Variants in ODAD2 observed in about 807,000 individuals in gnomAD.
The protein encoded by ODAD2 is outer dynein arm-docking complex subunit 2.
ODAD2 carries 89 observed loss-of-function variants against 106.8 expected under a neutral mutation model. That is an observed-to-expected ratio of 0.83 (90% CI 0.70 to 0.99). The LOEUF (loss-of-function observed/expected upper bound fraction) is 0.99, where lower values mean the gene tolerates loss of function less well. Ranked by LOEUF, ODAD2 falls within the 50% of genes least tolerant of loss-of-function variation. The pLI is 0.00. For synonymous variants in ODAD2, 404 were observed against 436.2 expected (o/e 0.93, Z 0.92); for missense variants, 1,168 against 1,238.5 (o/e 0.94, Z 0.85).
intron 10 of ODAD2, among the ~76,000 whole-genome samples, chr10:27,949,370 A>G (rs1257496315): frequency 6.6e-6 from 1 of 152,192 alleles, no homozygotes; most frequent in East Asian, 1.9e-4. Context: ...TACATGGGGC[A>G]GGGGCATGGA....
chr10:27,946,858 A>C (rs1034095653), intron 10 of ODAD2, among the ~76,000 whole-genome samples: 1 of 152,220 alleles, frequency 6.6e-6, no homozygotes, highest in African/African-American at 2.4e-5. Flanking sequence ...TCCCAAGTGA[A>C]GACAGAAAGA....
chr10:27,845,670 G>A (rs904743155), intron 19 of ODAD2, among the ~76,000 whole-genome samples: 16 of 152,266 alleles, frequency 1.1e-4, no homozygotes, highest in African/African-American at 3.6e-4. Flanking sequence ...CTGTATTCGG[G>A]AGACCCATCT....
At chr10:27,947,094 G>C (rs1000445333) in intron 10 of ODAD2, among the ~76,000 whole-genome samples, 5 of 152,068 alleles carry the variant, frequency 3.3e-5, no homozygotes, top group Non-Finnish European at 7.4e-5. Flanking sequence ...ACAGCTTTTA[G>C]TATCTTTTCT....
chr10:27,832,533 A>C (rs11594652), intron 19 of ODAD2, among the ~76,000 whole-genome samples: 83,247 of 151,694 alleles, frequency 0.55, 24,473 homozygotes, highest in Middle Eastern at 0.67. Flanking sequence ...ACACACACAC[A>C]CAGACACACA....
rs1433997001 is a variant in ODAD2, at chr10:27,969,269, T to C, written c.1143-251A>G. Among the ~76,000 whole-genome samples, 3 of 151,922 alleles carry C rather than the reference T, an allele frequency of 2.0e-5. No individual in the cohort carries two copies. The East Asian group carries it at 5.8e-4, about 29-fold the overall frequency. On this transcript the variant is annotated intron_variant, in intron 8 of 19. Coordinates refer to ENST00000305242, the MANE Select transcript of ODAD2 (RefSeq NM_018076.5). ...AACAGGTCTTCACAGGCTGCCACTG[T>C]TGGTGTGAATCCTGCACCCGATGCC...
At chr10:27,834,497 T>A (rs1009781478) in intron 19 of ODAD2, among the ~76,000 whole-genome samples, 1 of 151,842 alleles carries the variant, frequency 6.6e-6, no homozygotes, top group Non-Finnish European at 1.5e-5. Flanking sequence ...CTGAGAAGCA[T>A]CTTCTCTGGC....
intron 17 of ODAD2, among the ~76,000 whole-genome samples, chr10:27,872,936 C>A (rs950181388): frequency 1.3e-5 from 2 of 152,054 alleles, no homozygotes; most frequent in South Asian, 2.1e-4. Flanking sequence ...GAATGGTCCC[C>A]GCTCCTCCTT....
At chr10:27,865,883 G>C (rs977934011) in intron 17 of ODAD2, among the ~76,000 whole-genome samples, 1 of 152,200 alleles carries the variant, frequency 6.6e-6, no homozygotes, top group East Asian at 1.9e-4. Context: ...TGATTGCTGA[G>C]AGAAGTGACA....
At chr10:27,925,067 A>G (rs763528943) in intron 16 of ODAD2, among the ~76,000 whole-genome samples, 82 of 151,950 alleles carry the variant, frequency 5.4e-4, no homozygotes, top group Non-Finnish European at 4.3e-4. Flanking sequence ...AGCCAGAAAA[A>G]GAAAACAGAA....
chr10:27,825,630 A>G (rs1836980258), intron 19 of ODAD2, among the ~76,000 whole-genome samples: 1 of 152,222 alleles, frequency 6.6e-6, no homozygotes, highest in Non-Finnish European at 1.5e-5. Flanking sequence ...ATTAATGAGG[A>G]GGACAGGTAA....
At chr10:27,983,542 A>G (rs1849687339) in intron 6 of ODAD2, among the ~76,000 whole-genome samples, 1 of 152,162 alleles carries the variant, frequency 6.6e-6, no homozygotes, top group Non-Finnish European at 1.5e-5. Context: ...TGACCTTTCT[A>G]TCATTTGGAA....
At position 27,882,237 on chromosome 10, in the gene ODAD2, T is replaced by G. The variant is rs74347601; in HGVS notation, c.2611-19615A>C. Among the ~76,000 whole-genome samples, 852 of 99,168 alleles carry G rather than the reference T, an allele frequency of 8.6e-3. 2 individuals are homozygous for G. Among genetic ancestry groups the G allele is most frequent in the Non-Finnish European group, 0.014 (596 of 44,038 alleles). The allele number at this position is 99,168 out of a possible 152,430, so 65.1% of individuals were successfully genotyped here. Reference sequence around the variant, plus strand: ...AGAAAGAAAGAAAGAAAGAAAGAAATATGAACTCTCTGATCTCATTCTCAA... The same window carrying G: ...AGAAAGAAAGAAAGAAAGAAAGAAAGATGAACTCTCTGATCTCATTCTCAA... On this transcript the variant is annotated intron_variant, in intron 17 of 19. Coordinates refer to ENST00000305242, the MANE Select transcript of ODAD2 (RefSeq NM_018076.5).
In ODAD2 at chr10:27,849,545, T is replaced by TATA. The variant is rs757625420; in HGVS notation, c.3021+11077_3021+11079dup. Among the ~76,000 whole-genome samples, 280 of 151,664 alleles carry TATA rather than the reference T, an allele frequency of 1.8e-3. 1 individual carries two copies. Among genetic ancestry groups the TATA allele is most frequent in the African/African-American group, 5.1e-3 (209 of 41,326 alleles). On this transcript the variant is annotated intron_variant, in intron 19 of 19. Transcript: ENST00000305242. Reference sequence around the variant, plus strand: ...TGCACATGTACCCTAGAACTTAAAATATAATAATAATAATAATAAAGAAGT... The same window carrying TATA: ...TGCACATGTACCCTAGAACTTAAAATATAATAATAATAATAATAATAAAGAAGT...
rs59193868 is a variant in ODAD2 at position 27,970,970 on chromosome 10, TTAAATAAATAAATAAATAAA to T, written c.1142+118_1142+137del. 3.3e-5 allele frequency: 10 copies of T among 306,064 alleles called. 1 individual carries two copies. The East Asian group carries it at 4.1e-4, about 13-fold the overall frequency. 19.0% of individuals were successfully genotyped at this position (306,064 alleles called of 1,614,324 possible). A position where few individuals can be genotyped will look rare whatever the true frequency, so the allele number is the denominator to read the frequency against. On this transcript the variant is annotated intron_variant, in intron 8 of 19. Coordinates refer to ENST00000305242, the MANE Select transcript of ODAD2 (RefSeq NM_018076.5). ...CTGGGCAACAGAGCAAGACTCCATC[TTAAATAAATAAATAAATAAA>T]TAAATAAATAAATAAATAAACAAAC... is the stretch of plus-strand genomic sequence containing the variant.
intron 19 of ODAD2, among the ~76,000 whole-genome samples, chr10:27,854,427 TG>T (rs1316456378): frequency 2.0e-5 from 3 of 152,194 alleles, no homozygotes; most frequent in Admixed American, 2.0e-4. Flanking sequence ...CAGCTTTATT[TG>T]TAACAACCCA....
chr10:27,970,384 A>C lies in ODAD2; in HGVS notation c.1142+724T>G, dbSNP rs141010457. On this transcript the variant is annotated intron_variant, in intron 8 of 19. Transcript: ENST00000305242. The stretch of plus-strand genomic sequence containing the variant: ...ACAGTTTCGCTGATTAGCTCCATAT[A>C]ATTTTCATCATTCCACATTCTCCCA... Among the ~76,000 whole-genome samples the C allele has an allele frequency of 5.9e-4, 90 of 152,168 alleles. No homozygotes were observed. In the East Asian group the frequency reaches 0.016, roughly 28 times the overall value.
chr10:27,823,477 G>A (rs182967695), intron 19 of ODAD2, among the ~76,000 whole-genome samples: 2 of 152,246 alleles, frequency 1.3e-5, no homozygotes, highest in Non-Finnish European at 2.9e-5. Context: ...TATGTGACCT[G>A]AGGTAACTCT....
At chr10:27,865,862 G>A (rs917763404) in intron 17 of ODAD2, among the ~76,000 whole-genome samples, 2 of 152,164 alleles carry the variant, frequency 1.3e-5, no homozygotes, top group South Asian at 2.1e-4. Flanking sequence ...TCTGTAACAC[G>A]TTGCCTTACC....
At chr10:27,826,395 C>G (rs749944281) in intron 19 of ODAD2, among the ~76,000 whole-genome samples, 9 of 152,168 alleles carry the variant, frequency 5.9e-5, no homozygotes, top group Non-Finnish European at 1.3e-4. Flanking sequence ...CGGTCATCCA[C>G]CCAGGTGTCT....
Sources: gnomAD v4.1 joint callset for allele counts (sites outside exome capture counted in the v4.1 genomes callset) on GRCh38, gnomAD v4.1.1 for gene constraint, MANE v1.5 for transcripts, NCBI Gene and HGNC (gene_info 2026-07-23, HGNC 2026-07-21) for gene names.